The following GNL3L variants were observed in gnomAD, a reference collection of about 807,000 sequenced individuals.
GNL3L encodes G protein nucleolar 3 like.
GNL3L carries 4 observed loss-of-function variants against 42.9 expected under a neutral mutation model. The observed-to-expected ratio is 0.09, with a 90% CI of 0.05 to 0.21. GNL3L has a LOEUF of 0.21. GNL3L is among the 10% of genes least tolerant of loss of function. The pLI is 1.00. For synonymous variants in GNL3L, 159 were observed against 176.3 expected (o/e 0.90, Z 0.78); for missense variants, 412 against 481.7 (o/e 0.86, Z 1.36).
chrX:54,596,837 A>G (rs1467923642), intron 16 of GNL3L, among the ~76,000 whole-genome samples: 1 of 111,523 alleles, frequency 9.0e-6, no homozygotes, highest in Non-Finnish European at 1.9e-5. Context: ...CACTGTCACC[A>G]TAGGCCCATT....
intron 16 of GNL3L, among the ~76,000 whole-genome samples, chrX:54,589,934 T>C: frequency 9.0e-6 from 1 of 110,860 alleles, no homozygotes; most frequent in Non-Finnish European, 1.9e-5. Flanking sequence ...AGCCATTTTT[T>C]TTTTTTATTA....
intron 16 of GNL3L, among the ~76,000 whole-genome samples, chrX:54,602,476 CT>C (rs750068890): frequency 9.1e-6 from 1 of 110,274 alleles, no homozygotes; most frequent in African/African-American, 3.3e-5. Context: ...GGAGGAGGTG[CT>C]TTAGAGTTTG....
At chrX:54,622,882 G>T (rs981580608), downstream of GNL3L, among the ~76,000 whole-genome samples, 3 of 111,533 alleles carry the variant, frequency 2.7e-5, no homozygotes, top group African/African-American at 9.8e-5. Context: ...TCAATTTTGA[G>T]TTAATTTTTG....
At chrX:54,612,794 T>C (rs1267750445) in intron 16 of GNL3L, among the ~76,000 whole-genome samples, 4 of 111,963 alleles carry the variant, frequency 3.6e-5, no homozygotes, top group Non-Finnish European at 7.5e-5. Context: ...TGCTGAGAAA[T>C]CTGCTGTTAA....
At chrX:54,578,398 A>G (rs1925664059) in intron 16 of GNL3L, among the ~76,000 whole-genome samples, 1 of 112,313 alleles carries the variant, frequency 8.9e-6, no homozygotes, top group African/African-American at 3.2e-5. Context: ...AAATACATAG[A>G]TATTTAACCA....
At chrX:54,638,373 A>C in the GNL3L span, among the ~76,000 whole-genome samples, 1 of 112,272 alleles carries the variant, frequency 8.9e-6, no homozygotes, top group Non-Finnish European at 1.9e-5. Context: ...GATACAGTGT[A>C]AGTGCTCAAT....
chrX:54,644,346 A>C, the GNL3L span, among the ~76,000 whole-genome samples: 2 of 112,226 alleles, frequency 1.8e-5, no homozygotes, highest in African/African-American at 6.5e-5. Flanking sequence ...CCACTCCAAA[A>C]TTATGTATTA....
chrX:54,598,180 A>G (rs1157559479), intron 16 of GNL3L, among the ~76,000 whole-genome samples: 3 of 111,318 alleles, frequency 2.7e-5, no homozygotes, highest in African/African-American at 9.8e-5. Flanking sequence ...TTCATCACCT[A>G]ATTTTTAATT....
chrX:54,550,537 C>G (rs1924907563), intron 9 of GNL3L, among the ~76,000 whole-genome samples: 1 of 111,199 alleles, frequency 9.0e-6, no homozygotes, highest in Non-Finnish European at 1.9e-5. Flanking sequence ...AAATACACAC[C>G]TCAGGTAGAC....
At chrX:54,586,098 GA>G (rs972863160) in intron 16 of GNL3L, among the ~76,000 whole-genome samples, 2 of 111,401 alleles carry the variant, frequency 1.8e-5, no homozygotes, top group African/African-American at 6.5e-5. Flanking sequence ...GAATTCGACA[GA>G]AAAGTGACAG....
rs748651842 is a variant in GNL3L, at chrX:54,543,311, C to T, written c.495C>T (p.Asn165=). ...AGGCTGTCCTGCGAGCACAAGGCAA[C>T]AAGAAGCTGGTCCTGGTCTTGAACA... ...MEEAVLRAQG[N]KKLVLVLNKI... is the part of the protein sequence containing the mutation. Residue 165 remains asparagine, a synonymous_variant, in exon 7 of 16, where the codon AAC becomes AAT. Coordinates refer to ENST00000360845, the MANE Select transcript of GNL3L (RefSeq NM_001184819.2). 1 of 1,211,203 alleles carries T rather than the reference C, an allele frequency of 8.3e-7. No homozygotes were observed. The highest frequency in any genetic ancestry group is 1.8e-5 in the South Asian group (1 of 56,931).
Position 54,551,583 on chromosome X carries a change from C to T in GNL3L, c.879C>T (p.Val293=). The part of the protein sequence containing the change: ...VPGITKFMQE[V]YLDKFIRLLD... The stretch of plus-strand genomic sequence containing the variant: ...CCCGCCCCAGATTCATGCAGGAGGT[C>T]TACCTGGACAAGTTCATCCGGCTCT... The change falls in exon 11 of 16, where the codon GTC becomes GTT. Residue 293 remains valine, a synonymous_variant. Coordinates refer to ENST00000360845, the MANE Select transcript of GNL3L (RefSeq NM_001184819.2). The T allele has an allele frequency of 8.3e-7, 1 of 1,210,461 alleles. No individual in the cohort carries two copies. The highest frequency in any genetic ancestry group is 1.1e-6 in the Non-Finnish European group (1 of 894,398).
At chrX:54,543,177 G>T in intron 6 of GNL3L, 30 bp from the exon 7 acceptor site, 2 of 1,201,030 alleles carry the variant, frequency 1.7e-6, no homozygotes, top group Non-Finnish European at 2.3e-6. Context: ...TCCTTTTCCT[G>T]CCCTCATCTC....
intron 3 of GNL3L, among the ~76,000 whole-genome samples, chrX:54,539,629 GA>G (rs2147474940): frequency 9.0e-6 from 1 of 111,663 alleles, no homozygotes; most frequent in African/African-American, 3.2e-5. Context: ...GAGGATGGGG[GA>G]AAACATCGAT....
chrX:54,636,308 G>A, the GNL3L span, among the ~76,000 whole-genome samples: 1 of 112,134 alleles, frequency 8.9e-6, no homozygotes, highest in Non-Finnish European at 1.9e-5. Flanking sequence ...GAGAGGAGGT[G>A]GGGCAAGAGC....
chrX:54,541,669 G>C (rs1251780765), intron 5 of GNL3L, among the ~76,000 whole-genome samples: 1 of 109,930 alleles, frequency 9.1e-6, no homozygotes, highest in Non-Finnish European at 1.9e-5. Flanking sequence ...GGCTGGGAGA[G>C]TTACATGTGA....
At chrX:54,568,864 A>AT (rs1484728085), downstream of GNL3L, among the ~76,000 whole-genome samples, 1 of 111,381 alleles carries the variant, frequency 9.0e-6, no homozygotes, top group East Asian at 2.8e-4. Context: ...ACAATGTAGT[A>AT]TTTTTTCTCT....
rs541403799 is a variant in GNL3L, at chrX:54,551,103, C to A, written c.863+53C>A. 77 of 656,263 alleles carry A rather than the reference C, an allele frequency of 1.2e-4. No individual in the cohort carries two copies. In the Admixed American group the frequency reaches 1.3e-3, roughly 11 times the overall value. 54.1% of individuals were successfully genotyped at this position (656,263 alleles called of 1,213,427 possible). ...ACAATTCCTTGACCCTACCATTTCC[C>A]CCCAACTCCCATGCCTTCAGCCCCT... On this transcript the variant is annotated intron_variant, in intron 10 of 15. Transcript: ENST00000360845.
At chrX:54,614,420 C>G (rs1421104490) in intron 16 of GNL3L, among the ~76,000 whole-genome samples, 1 of 110,987 alleles carries the variant, frequency 9.0e-6, no homozygotes, top group Non-Finnish European at 1.9e-5. Context: ...GCGCCCTCCC[C>G]TGAGTTCTGA....
Sources: gnomAD v4.1 joint callset for allele counts (sites outside exome capture counted in the v4.1 genomes callset) on GRCh38, gnomAD v4.1.1 for gene constraint, MANE v1.5 for transcripts, NCBI Gene and HGNC (gene_info 2026-07-23, HGNC 2026-07-21) for gene names.